SPDYE18: variants seen among roughly 807,000 people sequenced by gnomAD.
SPDYE18 encodes speedy/RINGO cell cycle regulator family member E18.
In SPDYE18, 6 loss-of-function variants were observed where a neutral mutation model predicts 44.9. The ratio of observed to expected loss-of-function variants is 0.13; its 90% CI spans 0.07 to 0.26. The LOEUF (loss-of-function observed/expected upper bound fraction) is 0.26. Among genes scored for constraint, SPDYE18 ranks in the 10% least tolerant of loss-of-function variants. The pLI, the probability that SPDYE18 is intolerant of heterozygous loss-of-function variation, is 1.00. For synonymous variants in SPDYE18, 35 were observed against 177.1 expected (o/e 0.20, Z 6.37); for missense variants, 121 against 463.2 (o/e 0.26, Z 6.78).
Position 77,051,017 on chromosome 7 carries a change from A to G in SPDYE18, c.*908T>C, listed in dbSNP as rs1789783731. On this transcript the variant is annotated 3_prime_UTR_variant, in exon 9 of 9. Coordinates refer to ENST00000510091, the MANE Select transcript of SPDYE18 (RefSeq NM_001394953.1). ...GATAGTATGTATTAGACGTGTTAGTATATATATCTGAGACATGTTAAAAAT... is the reference window on the plus strand; with the variant it reads ...GATAGTATGTATTAGACGTGTTAGTGTATATATCTGAGACATGTTAAAAAT... Among the ~76,000 whole-genome samples the G allele has an allele frequency of 1.3e-5, 2 of 151,860 alleles. No homozygotes were observed. Among genetic ancestry groups the G allele is most frequent in the Admixed American group, 6.6e-5 (1 of 15,254 alleles).
At position 77,060,416 on chromosome 7, in the gene SPDYE18, G is replaced by A. The variant is rs1562794929; in HGVS notation, c.97C>T (p.Gln33Ter). The A allele has an allele frequency of 1.3e-6, 2 of 1,535,430 alleles. No individual in the cohort carries two copies. The highest frequency in any genetic ancestry group is 1.7e-6 in the Non-Finnish European group (2 of 1,146,896). ...QPHPQNEQSL[Q>*]RSTSGYPLQE... is the part of the protein sequence containing the mutation. ...AGGGGGTACCCCGAGGTGCTCCGCTGGAGACTCTGCTCATTCTGGGGGTGC... is the reference window on the plus strand; with the variant it reads ...AGGGGGTACCCCGAGGTGCTCCGCTAGAGACTCTGCTCATTCTGGGGGTGC... The change falls in exon 2 of 9, where the codon CAG becomes TAG. Residue 33 changes from glutamine (Q) to a stop codon, truncating the protein, a stop_gained. Transcript: ENST00000510091. LOFTEE classifies it high-confidence loss of function.
intron 2 of SPDYE18, 86 bp downstream of exon 2, chr7:77,060,267 G>C: frequency 6.6e-7 from 1 of 1,522,842 alleles, no homozygotes; most frequent in Non-Finnish European, 8.8e-7. Flanking sequence ...AAAGTGCTGG[G>C]GTTACAGGCG....
At chr7:77,053,892 C>T (rs1429292592) in intron 6 of SPDYE18, among the ~76,000 whole-genome samples, 2 of 146,204 alleles carry the variant, frequency 1.4e-5, no homozygotes, top group African/African-American at 2.5e-5. Flanking sequence ...GCCCTGTAGT[C>T]GGAGCTAATA....
rs1789792707 is a variant in SPDYE18 at position 77,051,342 on chromosome 7, T to G, written c.*583A>C. On this transcript the variant is annotated 3_prime_UTR_variant, in exon 9 of 9. Coordinates refer to ENST00000510091, the MANE Select transcript of SPDYE18 (RefSeq NM_001394953.1). Reference sequence around the variant, plus strand: ...TCATCAAAAAACTACAGGAACAGCATGTTTTCAAAAGTACAACAATTTCCA... The same window carrying G: ...TCATCAAAAAACTACAGGAACAGCAGGTTTTCAAAAGTACAACAATTTCCA... 6.6e-6 allele frequency among the ~76,000 whole-genome samples: 1 copy of G among 152,282 alleles called. No homozygotes were observed. The highest frequency in any genetic ancestry group is 2.4e-5 in the African/African-American group (1 of 41,486).
chr7:77,052,399 C>G (rs1215346449), intron 8 of SPDYE18, among the ~76,000 whole-genome samples: 2 of 152,112 alleles, frequency 1.3e-5, no homozygotes, highest in African/African-American at 4.8e-5. Flanking sequence ...ATCGGTAACT[C>G]AAGTGCGTCA....
intron 7 of SPDYE18, 43 bp from the exon 8 acceptor site, chr7:77,052,880 G>A (rs1789834765): frequency 6.2e-7 from 1 of 1,612,340 alleles, no homozygotes; most frequent in Non-Finnish European, 8.5e-7. Context: ...GACTCGCCAG[G>A]ATACCCCTCT....
rs1409551189 is a variant in SPDYE18, at chr7:77,051,534, G to A, written c.*391C>T. Among the ~76,000 whole-genome samples the A allele has an allele frequency of 1.3e-5, 2 of 152,278 alleles. No individual in the cohort carries two copies. Among genetic ancestry groups the A allele is most frequent in the African/African-American group, 4.8e-5 (2 of 41,488 alleles). ...CTGCATTGTGCCTTCAAATGCTCCT[G>A]GACTGTGGCAACCAAGTCTGTAAGA... On this transcript the variant is annotated 3_prime_UTR_variant, in exon 9 of 9. Coordinates refer to ENST00000510091, the MANE Select transcript of SPDYE18 (RefSeq NM_001394953.1).
At chr7:77,052,509 C>T (rs1313021585) in intron 8 of SPDYE18, among the ~76,000 whole-genome samples, 5 of 152,090 alleles carry the variant, frequency 3.3e-5, no homozygotes, top group African/African-American at 9.6e-5. Context: ...ATCAGGGCTC[C>T]GTGCAGCCCT....
chr7:77,056,434 A>T, intron 5 of SPDYE18, 116 bp downstream of exon 5: 4 of 544,714 alleles, frequency 7.3e-6, no homozygotes, highest in Non-Finnish European at 8.4e-6. Flanking sequence ...AAAAAAAAAA[A>T]AGACTGTAGG....
At chr7:77,053,479 G>T (rs1189041928) in intron 6 of SPDYE18, among the ~76,000 whole-genome samples, 1 of 152,264 alleles carries the variant, frequency 6.6e-6, no homozygotes, top group African/African-American at 2.4e-5. Flanking sequence ...AAAGCAGGAG[G>T]ATCACTTGAG....
chr7:77,052,357 TA>T (rs1789818791), intron 8 of SPDYE18, among the ~76,000 whole-genome samples: 1 of 152,168 alleles, frequency 6.6e-6, no homozygotes, highest in South Asian at 2.1e-4. Context: ...GCACAAGATG[TA>T]AACCAAAGCT....
chr7:77,060,459 G>C lies in SPDYE18; in HGVS notation c.54C>G (p.Ile18Met). ...FRKRGQITGK[I>M]TTSRQPHPQN... is the part of the protein sequence containing the mutation. ...GGGGGTGCGGTTGACGGCTGGTCGT[G>C]ATCTTTCCCGTAATCTGTCCCCTCT... The change falls in exon 2 of 9, where the codon ATC (isoleucine) becomes ATG (methionine). Residue 18 changes from isoleucine (I) to methionine (M), a missense_variant. Physicochemically the swap from Ile to Met is conservative, Grantham distance 10. Transcript: ENST00000510091. 5 of 1,535,294 alleles carry C rather than the reference G, an allele frequency of 3.3e-6. No homozygotes were observed. The highest frequency in any genetic ancestry group is 1.4e-5 in the African/African-American group (1 of 73,042).
intron 6 of SPDYE18, among the ~76,000 whole-genome samples, chr7:77,054,696 C>T (rs1396633390): frequency 6.6e-6 from 1 of 151,708 alleles, no homozygotes; most frequent in Non-Finnish European, 1.5e-5. Context: ...TTCTTTTCCC[C>T]TTAGGAGCGG....
rs1789802999 is a variant in SPDYE18 at position 77,051,731 on chromosome 7, C to T, written c.*194G>A. On this transcript the variant is annotated 3_prime_UTR_variant, in exon 9 of 9. Transcript: ENST00000510091. ...CCCACCCCTGCTCCCAGGAGGACAA[C>T]GTGATCACTGTATTCAGCTCCATCA... is the stretch of plus-strand genomic sequence containing the variant. 2.9e-5 allele frequency among the ~76,000 whole-genome samples: 4 copies of T among 136,058 alleles called. No homozygotes were observed. Among genetic ancestry groups the T allele is most frequent in the East Asian group, 2.2e-4 (1 of 4,510 alleles). The allele number at this position is 136,058 out of a possible 152,430, so 89.3% of individuals were successfully genotyped here.
At chr7:77,058,520 T>TTG (rs1789966753) in intron 3 of SPDYE18, among the ~76,000 whole-genome samples, 1 of 132,916 alleles carries the variant, frequency 7.5e-6, no homozygotes, top group Admixed American at 7.9e-5. Context: ...TTTTTTTTTT[T>TTG]TTTTGAGACA....
chr7:77,062,053 A>G (rs1404176422), intron 1 of SPDYE18, among the ~76,000 whole-genome samples: 1 of 135,452 alleles, frequency 7.4e-6, no homozygotes, highest in African/African-American at 2.6e-5. Context: ...ACTTGAACTC[A>G]TGGTGCGCAG....
chr7:77,058,951 C>A (rs1257050918), intron 3 of SPDYE18, among the ~76,000 whole-genome samples: 4 of 152,056 alleles, frequency 2.6e-5, no homozygotes, highest in Non-Finnish European at 5.9e-5. Context: ...AGCCACTGCA[C>A]CTAGCCCGAA....
chr7:77,054,268 A>G (rs4729115), intron 6 of SPDYE18, among the ~76,000 whole-genome samples: 18,233 of 143,808 alleles, frequency 0.13, 352 homozygotes, highest in East Asian at 0.27. Context: ...AAACACAAAC[A>G]CAAAGTCGAG....
At chr7:77,052,581 CG>C (rs1789825239) in intron 8 of SPDYE18, among the ~76,000 whole-genome samples, 151 bp downstream of exon 8, 1 of 152,278 alleles carries the variant, frequency 6.6e-6, no homozygotes, top group Non-Finnish European at 1.5e-5. Context: ...AGTAGAGATG[CG>C]TCCCACATCG....
Sources: gnomAD v4.1 joint callset for allele counts (sites outside exome capture counted in the v4.1 genomes callset) on GRCh38, gnomAD v4.1.1 for gene constraint, MANE v1.5 for transcripts, NCBI Gene and HGNC (gene_info 2026-07-23, HGNC 2026-07-21) for gene names.